The following RIMS1 variants were observed in gnomAD, a reference collection of about 807,000 sequenced individuals.
RIMS1 encodes regulating synaptic membrane exocytosis protein 1.
RIMS1 carries 83 observed loss-of-function variants against 214.1 expected under a neutral mutation model. The observed-to-expected ratio is 0.39, with a 90% CI of 0.32 to 0.47. The LOEUF is 0.47. Ranked by LOEUF, RIMS1 falls within the 20% of genes least tolerant of loss-of-function variation. RIMS1 has a pLI of 0.99. For synonymous variants in RIMS1, 793 were observed against 786.8 expected (o/e 1.01, Z -0.13); for missense variants, 2,050 against 2,161.8 (o/e 0.95, Z 1.03).
intron 1 of RIMS1, among the ~76,000 whole-genome samples, chr6:71,929,187 G>A (rs1177265683): frequency 6.6e-6 from 1 of 152,074 alleles, no homozygotes; most frequent in Non-Finnish European, 1.5e-5. Flanking sequence ...TACTCTCCAT[G>A]AGAGCAGAGC....
intron 1 of RIMS1, among the ~76,000 whole-genome samples, chr6:71,959,827 G>T (rs1310436484): frequency 6.6e-6 from 1 of 152,004 alleles, no homozygotes; most frequent in East Asian, 1.9e-4. Flanking sequence ...TTGAAATGAT[G>T]AACTGTGCTT....
intron 4 of RIMS1, among the ~76,000 whole-genome samples, chr6:72,130,492 T>C (rs570013241): frequency 5.9e-5 from 9 of 152,160 alleles, no homozygotes; most frequent in Non-Finnish European, 1.2e-4. Context: ...GAACCGATTA[T>C]GAAAGTAGGT....
chr6:72,377,516 G>A (rs1454349991), intron 29 of RIMS1, among the ~76,000 whole-genome samples: 1 of 152,122 alleles, frequency 6.6e-6, no homozygotes, highest in Non-Finnish European at 1.5e-5. Context: ...TATATGCTAT[G>A]TGAAGAGGTA....
chr6:72,259,400 G>A (rs565761831), intron 18 of RIMS1, among the ~76,000 whole-genome samples: 5 of 152,110 alleles, frequency 3.3e-5, no homozygotes, highest in Non-Finnish European at 5.9e-5. Context: ...ATTATAGAAG[G>A]GAGTCTGCAT....
At chr6:71,981,971 T>G (rs562796391) in intron 2 of RIMS1, among the ~76,000 whole-genome samples, 1 of 152,172 alleles carries the variant, frequency 6.6e-6, no homozygotes, top group African/African-American at 2.4e-5. Context: ...ATGATTTGAT[T>G]TGATTTGAAT....
chr6:72,306,380 T>C (rs1318820122), intron 26 of RIMS1, among the ~76,000 whole-genome samples: 1 of 152,116 alleles, frequency 6.6e-6, no homozygotes, highest in African/African-American at 2.4e-5. Flanking sequence ...AGGTATAAGC[T>C]TTTGAGTCGT....
At chr6:71,954,891 A>G (rs556637384) in intron 1 of RIMS1, among the ~76,000 whole-genome samples, 1 of 151,296 alleles carries the variant, frequency 6.6e-6, no homozygotes, top group African/African-American at 2.4e-5. Flanking sequence ...ACACACACAC[A>G]CACCTAGAGG....
intron 1 of RIMS1, among the ~76,000 whole-genome samples, chr6:71,911,804 T>C (rs1241635448): frequency 1.3e-5 from 2 of 152,128 alleles, no homozygotes; most frequent in Admixed American, 1.3e-4. Context: ...GATGAGTCAG[T>C]ATATAGCAAG....
intron 2 of RIMS1, among the ~76,000 whole-genome samples, chr6:71,985,456 C>G (rs1205345283): frequency 6.6e-6 from 1 of 152,006 alleles, no homozygotes; most frequent in Non-Finnish European, 1.5e-5. Flanking sequence ...CACCAACTTC[C>G]TAATTATTTT....
At chr6:72,324,844 C>A (rs1256895434) in intron 28 of RIMS1, among the ~76,000 whole-genome samples, 1 of 151,774 alleles carries the variant, frequency 6.6e-6, no homozygotes, top group Non-Finnish European at 1.5e-5. Flanking sequence ...TGAGTGGTTG[C>A]AACAGAGTCG....
intron 2 of RIMS1, among the ~76,000 whole-genome samples, chr6:72,030,936 C>T (rs968451791): frequency 6.6e-6 from 1 of 152,100 alleles, no homozygotes; most frequent in Non-Finnish European, 1.5e-5. Context: ...TTGAAACATA[C>T]TTTCTATGGA....
chr6:71,928,227 A>G (rs1782092604), intron 1 of RIMS1, among the ~76,000 whole-genome samples: 1 of 152,156 alleles, frequency 6.6e-6, no homozygotes, highest in African/African-American at 2.4e-5. Flanking sequence ...CAACAGATAA[A>G]TAATTTCATT....
intron 15 of RIMS1, among the ~76,000 whole-genome samples, chr6:72,251,774 G>A (rs1262897265): frequency 2.0e-5 from 3 of 151,890 alleles, no homozygotes; most frequent in African/African-American, 7.3e-5. Flanking sequence ...GCATTGGCGT[G>A]ATCTCGGCTC....
chr6:72,389,514 G>GA (rs1256965934), intron 29 of RIMS1, among the ~76,000 whole-genome samples: 4 of 152,112 alleles, frequency 2.6e-5, no homozygotes, highest in African/African-American at 7.2e-5. Flanking sequence ...AAATGAGAGG[G>GA]AAAAAATGCA....
chr6:72,275,089 T>C (rs2085489283), intron 23 of RIMS1, among the ~76,000 whole-genome samples: 2 of 144,500 alleles, frequency 1.4e-5, no homozygotes, highest in Admixed American at 1.4e-4. Context: ...TTCTTCTCAG[T>C]GTGAAGTTGA....
chr6:72,173,872 T>C (rs2047363448), intron 4 of RIMS1, among the ~76,000 whole-genome samples: 1 of 152,036 alleles, frequency 6.6e-6, no homozygotes, highest in Non-Finnish European at 1.5e-5. Flanking sequence ...GAATCAGCCA[T>C]TAGGATGGAG....
chr6:71,903,910 A>T (rs554603700), intron 1 of RIMS1, among the ~76,000 whole-genome samples: 1 of 152,306 alleles, frequency 6.6e-6, no homozygotes, highest in Non-Finnish European at 1.5e-5. Context: ...ACATGTATGT[A>T]TATATGCATG....
chr6:72,133,907 G>A (rs1277373131), intron 4 of RIMS1, among the ~76,000 whole-genome samples: 1 of 152,098 alleles, frequency 6.6e-6, no homozygotes, highest in Non-Finnish European at 1.5e-5. Context: ...TCAGATCCTG[G>A]CTGCATACTT....
At chr6:72,141,587 A>G (rs909587599) in intron 4 of RIMS1, among the ~76,000 whole-genome samples, 3 of 152,018 alleles carry the variant, frequency 2.0e-5, no homozygotes, top group Non-Finnish European at 4.4e-5. Flanking sequence ...CCTTCAAATG[A>G]AAGAAAATAA....
Sources: gnomAD v4.1 joint callset for allele counts (sites outside exome capture counted in the v4.1 genomes callset) on GRCh38, gnomAD v4.1.1 for gene constraint, MANE v1.5 for transcripts, NCBI Gene and HGNC (gene_info 2026-07-23, HGNC 2026-07-21) for gene names.